The following TARP variants were observed in gnomAD, a reference collection of about 807,000 sequenced individuals.
chr7:38,260,596 C>T, the TARP span, among the ~76,000 whole-genome samples: 1 of 151,476 alleles, frequency 6.6e-6, no homozygotes, highest in African/African-American at 2.4e-5. Flanking sequence ...TGGGTGATTG[C>T]ATTTAATATT....
chr7:38,264,464 G>A, the TARP span, among the ~76,000 whole-genome samples: 15 of 151,236 alleles, frequency 9.9e-5, no homozygotes, highest in Non-Finnish European at 1.8e-4. Context: ...GGTGGCAGGC[G>A]CCTGCAATCC....
At chr7:38,262,751 C>T in the TARP span, among the ~76,000 whole-genome samples, 5 of 151,462 alleles carry the variant, frequency 3.3e-5, no homozygotes, top group Admixed American at 2.6e-4. Context: ...ACTCCCCAGG[C>T]TCATGAGATC....
the TARP span, among the ~76,000 whole-genome samples, chr7:38,267,984 A>G: frequency 1.3e-5 from 2 of 151,512 alleles, no homozygotes; most frequent in Admixed American, 1.3e-4. Context: ...TTTTCAGGAC[A>G]AAATGAATCT....
At chr7:38,264,418 C>T in the TARP span, among the ~76,000 whole-genome samples, 5 of 151,144 alleles carry the variant, frequency 3.3e-5, no homozygotes, top group Non-Finnish European at 7.4e-5. Context: ...TGGTGAAACC[C>T]CATCTCTACT....
At chr7:38,269,128 A>C in the TARP span, among the ~76,000 whole-genome samples, 50 of 151,980 alleles carry the variant, frequency 3.3e-4, no homozygotes, top group Admixed American at 8.5e-4. Flanking sequence ...CAACAAGAGT[A>C]AACATGTCTT....
the TARP span, among the ~76,000 whole-genome samples, chr7:38,269,889 C>G: frequency 6.6e-6 from 1 of 151,918 alleles, no homozygotes. Context: ...TGCTTGAGCT[C>G]AGAATTTTGA....
the TARP span, among the ~76,000 whole-genome samples, chr7:38,270,571 A>G: frequency 1.3e-5 from 2 of 151,698 alleles, no homozygotes; most frequent in Non-Finnish European, 2.9e-5. Flanking sequence ...CAGAAACTTC[A>G]GCCTGAAACT....
the TARP span, chr7:38,262,286 A>C: frequency 8.1e-7 from 1 of 1,234,606 alleles, no homozygotes; most frequent in Non-Finnish European, 1.2e-6. Context: ...GAATATTTAT[A>C]AAACCTGTCG....
At chr7:38,265,342 C>T in the TARP span, 4 of 1,598,640 alleles carry the variant, frequency 2.5e-6, no homozygotes, top group Non-Finnish European at 3.4e-6. Flanking sequence ...TATGCGTAAA[C>T]ACATACCTGT....
At chr7:38,261,170 C>T in the TARP span, among the ~76,000 whole-genome samples, 1 of 151,594 alleles carries the variant, frequency 6.6e-6, no homozygotes, top group Non-Finnish European at 1.5e-5. Context: ...CTGCAAAGCC[C>T]ATGCACCCAC....
the TARP span, chr7:38,265,818 A>T: frequency 3.0e-6 from 2 of 674,000 alleles, no homozygotes; most frequent in Admixed American, 2.5e-5. Context: ...TTCATCCAGG[A>T]TAGGCTGCAC....
At chr7:38,268,357 G>C in the TARP span, among the ~76,000 whole-genome samples, 1 of 151,330 alleles carries the variant, frequency 6.6e-6, no homozygotes, top group African/African-American at 2.4e-5. Context: ...ACAGTTTTTA[G>C]AGACGGTATG....
chr7:38,262,660 G>GT, the TARP span, among the ~76,000 whole-genome samples: 1 of 151,208 alleles, frequency 6.6e-6, no homozygotes, highest in African/African-American at 2.4e-5. Flanking sequence ...TTGTTTGTTT[G>GT]TTTTTTGAGG....
chr7:38,263,701 G>A, the TARP span, among the ~76,000 whole-genome samples: 6 of 151,666 alleles, frequency 4.0e-5, no homozygotes, highest in African/African-American at 1.2e-4. Flanking sequence ...TAAAACAGAA[G>A]AAAACACAGT....
the TARP span, among the ~76,000 whole-genome samples, chr7:38,272,726 C>T: frequency 2.7e-5 from 4 of 149,762 alleles, no homozygotes; most frequent in African/African-American, 7.4e-5. Flanking sequence ...AGTGCTAGCT[C>T]CAGGAGTCGA....
At chr7:38,261,743 G>A in the TARP span, among the ~76,000 whole-genome samples, 5 of 150,628 alleles carry the variant, frequency 3.3e-5, no homozygotes, top group African/African-American at 7.4e-5. Flanking sequence ...ATGGTGGCAC[G>A]CGCCTGTAGT....
the TARP span, among the ~76,000 whole-genome samples, chr7:38,271,366 T>C: frequency 8.6e-5 from 13 of 151,296 alleles, no homozygotes; most frequent in Non-Finnish European, 1.5e-4. Context: ...AAGCTTTTTT[T>C]CCCCAAAATT....
chr7:38,265,337 G>A, the TARP span: 189 of 1,591,738 alleles, frequency 1.2e-4, 5 homozygotes, highest in African/African-American at 1.8e-3. Flanking sequence ...GATGATATGC[G>A]TAAACACATA....
the TARP span, among the ~76,000 whole-genome samples, chr7:38,270,162 A>G: frequency 6.6e-6 from 1 of 152,156 alleles, no homozygotes; most frequent in South Asian, 2.1e-4. Flanking sequence ...TGTTATGATT[A>G]GCAATCTGTT....
Sources: allele counts gnomAD v4.1 joint callset (sites outside exome capture counted in the v4.1 genomes callset), GRCh38; gene constraint gnomAD v4.1.1; transcripts MANE v1.5.